FAT4: variants seen among roughly 807,000 people sequenced by gnomAD.
FAT4 encodes the protein FAT atypical cadherin 4, also known as protocadherin Fat 4.
FAT4 carries 84 observed loss-of-function variants against 303.9 expected under a neutral mutation model. The observed-to-expected ratio is 0.28, with a 90% confidence interval of 0.23 to 0.33. The LOEUF is 0.33. Among genes scored for constraint, FAT4 ranks in the 10% least tolerant of loss-of-function variants. FAT4 has a pLI of 1.00. For synonymous variants in FAT4, 2,307 were observed against 2,298.8 expected (o/e 1.00, Z -0.10); for missense variants, 6,005 against 6,146.8 (o/e 0.98, Z 0.77).
At chr4:125,442,625 C>T (rs143580056) in intron 8 of FAT4, among the ~76,000 whole-genome samples, 26 of 152,134 alleles carry the variant, frequency 1.7e-4, no homozygotes, top group South Asian at 8.3e-4. Flanking sequence ...TATCTTCTGG[C>T]TATGTATATG....
In FAT4 at chr4:125,319,623, T is replaced by C. The variant is rs200138872; in HGVS notation, c.3212T>C (p.Val1071Ala). The C allele has an allele frequency of 2.3e-4, 372 of 1,614,106 alleles. No individual in the cohort carries two copies. The highest frequency in any genetic ancestry group is 3.3e-4 in the Middle Eastern group (2 of 6,062). Residue 1071 changes from valine (V) to alanine (A), a missense_variant, in exon 2 of 18, where the codon GTT (valine) becomes GCT (alanine). Val to Ala is a moderately conservative substitution (Grantham distance 64). Coordinates refer to ENST00000394329, the MANE Select transcript of FAT4 (RefSeq NM_001291303.3). Reference protein sequence around the residue: ...ELQDRYVLMVVASDRAVEPLS... With the variant: ...ELQDRYVLMVAASDRAVEPLS... ...CAAGACAGATATGTTTTAATGGTTG[T>C]TGCTTCTGACAGAGCAGTGGAACCC... is the stretch of plus-strand genomic sequence containing the variant.
Position 125,489,441 on chromosome 4 carries a change from C to G in FAT4, c.13085-460C>G, listed in dbSNP as rs79168638. On this transcript the variant is annotated intron_variant, in intron 17 of 17. Coordinates refer to ENST00000394329, the MANE Select transcript of FAT4 (RefSeq NM_001291303.3). Reference sequence around the variant, plus strand: ...CTCCCCAAGAACCTATGTTCCACACCTTTGGTGTATTATCACCTTCAATGG... The same window carrying G: ...CTCCCCAAGAACCTATGTTCCACACGTTTGGTGTATTATCACCTTCAATGG... Among the ~76,000 whole-genome samples the G allele has an allele frequency of 4.8e-3, 738 of 152,254 alleles. 7 individuals are homozygous for G. Among genetic ancestry groups the G allele is most frequent in the African/African-American group, 0.017 (712 of 41,538 alleles).
At chr4:125,441,901 C>A (rs903509316) in intron 8 of FAT4, among the ~76,000 whole-genome samples, 1 of 152,130 alleles carries the variant, frequency 6.6e-6, no homozygotes, top group South Asian at 2.1e-4. Context: ...ATATCTTTGA[C>A]CAGGGCTTGG....
intron 12 of FAT4, among the ~76,000 whole-genome samples, chr4:125,474,806 T>C (rs923184590): frequency 6.6e-6 from 1 of 152,078 alleles, no homozygotes; most frequent in African/African-American, 2.4e-5. Context: ...TTAAGGAAAT[T>C]AATCATTTTC....
At position 125,449,226 on chromosome 4, in the gene FAT4, C is replaced by A. The variant is rs748854090; in HGVS notation, c.8216C>A (p.Ser2739Tyr). ...SVRPLDREKVSHYVLTIKSSD... is the reference protein window; with the variant it reads ...SVRPLDREKVYHYVLTIKSSD... ...AGACCTTTGGACAGGGAAAAAGTAT[C>A]TCATTATGTCCTAACCATAAAATCA... Residue 2739 changes from serine to tyrosine, a missense_variant, in exon 10 of 18, where the codon TCT becomes TAT. Ser to Tyr is a moderately radical substitution (Grantham distance 144). Transcript: ENST00000394329. 10 of 1,613,774 alleles carry A rather than the reference C, an allele frequency of 6.2e-6. No homozygotes were observed. The Admixed American group carries it at 1.3e-4, about 22-fold the overall frequency.
chr4:125,477,211 C>G lies in FAT4; in HGVS notation c.12356C>G (p.Pro4119Arg), dbSNP rs1403495139. Residue 4119 changes from proline to arginine, a missense_variant, in exon 14 of 18, where the codon CCA becomes CGA. Pro to Arg is a moderately radical substitution (Grantham distance 103, BLOSUM62 -2). Transcript: ENST00000394329. ...GTTGGAGGTATCAGATCTCTAGAAC[C>G]AATCCTTCAGAGAAGAGGACACGTG... ...VTVGGIRSLE[P>R]ILQRRGHVES... is the part of the protein sequence containing the mutation. 2 of 1,517,964 alleles carry G rather than the reference C, an allele frequency of 1.3e-6. No homozygotes were observed. The highest frequency in any genetic ancestry group is 1.4e-5 in the African/African-American group (1 of 70,278). The allele number at this position is 1,517,964 out of a possible 1,614,324, so 94.0% of individuals were successfully genotyped here. A position where few individuals can be genotyped will look rare whatever the true frequency, so the allele number is the denominator to read the frequency against.
intron 7 of FAT4, among the ~76,000 whole-genome samples, chr4:125,425,654 A>G (rs933207393): frequency 5.9e-5 from 9 of 152,172 alleles, no homozygotes; most frequent in African/African-American, 1.9e-4. Flanking sequence ...CGTACAATAC[A>G]TATGATATGC....
chr4:125,444,050 T>A (rs1560611283), intron 8 of FAT4, among the ~76,000 whole-genome samples: 1 of 152,188 alleles, frequency 6.6e-6, no homozygotes, highest in African/African-American at 2.4e-5. Context: ...TCATTCATTT[T>A]AAAAAATACT....
intron 17 of FAT4, among the ~76,000 whole-genome samples, chr4:125,489,191 G>T (rs1035645162): frequency 6.6e-6 from 1 of 152,202 alleles, no homozygotes; most frequent in Non-Finnish European, 1.5e-5. Flanking sequence ...TGTCAAAATA[G>T]ATTGTTGGGC....
intron 6 of FAT4, among the ~76,000 whole-genome samples, chr4:125,416,049 TTGCA>T (rs1735044131): frequency 6.6e-6 from 1 of 152,226 alleles, no homozygotes; most frequent in South Asian, 2.1e-4. Flanking sequence ...TATACTCATG[TTGCA>T]CACATTTATG....
At position 125,451,746 on chromosome 4, in the gene FAT4, T is replaced by C; in HGVS notation, c.10736T>C (p.Ile3579Thr). Residue 3579 changes from isoleucine to threonine, a missense_variant, in exon 10 of 18, where the codon ATT (isoleucine) becomes ACT (threonine). Coordinates refer to ENST00000394329, the MANE Select transcript of FAT4 (RefSeq NM_001291303.3). ...ACCAGAGAGATTGACAGAGAGCAGA[T>C]TGCAGACTTCTATCTGTCTGTGGTT... The part of the protein sequence containing the change: ...STTREIDREQ[I>T]ADFYLSVVTK... 1 of 1,614,200 alleles carries C rather than the reference T, an allele frequency of 6.2e-7. No individual in the cohort carries two copies.
intron 2 of FAT4, among the ~76,000 whole-genome samples, chr4:125,369,774 A>T (rs1032660995): frequency 1.3e-5 from 2 of 151,976 alleles, no homozygotes; most frequent in African/African-American, 4.8e-5. Flanking sequence ...CTAACTTTCC[A>T]TTTCCTCCAA....
rs768534192 is a variant in FAT4 at position 125,476,243 on chromosome 4, G to A, written c.12286G>A (p.Val4096Ile). 3.2e-6 allele frequency: 5 copies of A among 1,585,070 alleles called. No homozygotes were observed. In the Admixed American group the frequency reaches 8.4e-5, roughly 27 times the overall value. Reference sequence around the variant, plus strand: ...ATATTGTACTGTCAGTAATGTGGCAGTTTCAGATGACTGGTAAGGAATAGG... The same window carrying A: ...ATATTGTACTGTCAGTAATGTGGCAATTTCAGATGACTGGTAAGGAATAGG... ...PGYCTVSNVA[V>I]SDDWTLDVQP... Residue 4096 changes from valine to isoleucine, a missense_variant, in exon 13 of 18, where the codon GTT becomes ATT. Physicochemically the swap from Val to Ile is conservative, Grantham distance 29. Transcript: ENST00000394329.
Position 125,318,059 on chromosome 4 carries a change from C to T in FAT4, c.1648C>T (p.Leu550=), listed in dbSNP as rs1730718086. 1 of 1,614,152 alleles carries T rather than the reference C, an allele frequency of 6.2e-7. No individual in the cohort carries two copies. Among genetic ancestry groups the T allele is most frequent in the Non-Finnish European group, 8.5e-7 (1 of 1,180,024 alleles). ...CCGTGAACTTGCTTCCCAGATTGTT[C>T]TGAATATAAGTGCCCGGGACCAGGG... is the stretch of plus-strand genomic sequence containing the variant. The part of the protein sequence containing the change: ...LDRELASQIV[L]NISARDQGVH... The change falls in exon 2 of 18, where the codon CTG becomes TTG. Residue 550 remains leucine (L), a synonymous_variant. Coordinates refer to ENST00000394329, the MANE Select transcript of FAT4 (RefSeq NM_001291303.3).
intron 2 of FAT4, among the ~76,000 whole-genome samples, chr4:125,326,194 C>G (rs1731150728): frequency 6.6e-6 from 1 of 151,902 alleles, no homozygotes. Context: ...AATTTATTTT[C>G]ACAAGAAACT....
At chr4:125,433,687 T>A (rs548395376) in intron 7 of FAT4, among the ~76,000 whole-genome samples, 1 of 152,348 alleles carries the variant, frequency 6.6e-6, no homozygotes, top group East Asian at 1.9e-4. Context: ...TATGAAGTTA[T>A]TCTAGCACGT....
In FAT4 at chr4:125,490,215, G is replaced by A. The variant is rs1215405311; in HGVS notation, c.13399G>A (p.Val4467Met). Residue 4467 changes from valine (V) to methionine (M), a missense_variant, in exon 18 of 18, where the codon GTG becomes ATG. Coordinates refer to ENST00000394329, the MANE Select transcript of FAT4 (RefSeq NM_001291303.3). ...DSHTGRTCEMVVACLGVLCPQ... is the reference protein window; with the variant it reads ...DSHTGRTCEMMVACLGVLCPQ... ...GCACACGGGAAGGACCTGTGAGATG[G>A]TGGTGGCCTGTCTTGGCGTCCTCTG... is the stretch of plus-strand genomic sequence containing the variant. The A allele has an allele frequency of 1.2e-6, 2 of 1,614,196 alleles. No individual in the cohort carries two copies. The highest frequency in any genetic ancestry group is 1.7e-6 in the Non-Finnish European group (2 of 1,180,042).
At chr4:125,355,182 A>G (rs1533037) in intron 2 of FAT4, among the ~76,000 whole-genome samples, 9,146 of 152,014 alleles carry the variant, frequency 0.06, 412 homozygotes, top group East Asian at 0.19. Flanking sequence ...AGGAATTTTA[A>G]AATATATATT....
intron 10 of FAT4, among the ~76,000 whole-genome samples, chr4:125,457,587 C>T (rs1726327802): frequency 6.6e-6 from 1 of 151,788 alleles, no homozygotes; most frequent in Admixed American, 6.6e-5. Context: ...GTTATAATCA[C>T]TTCATATGTT....
Sources: allele counts gnomAD v4.1 joint callset (sites outside exome capture counted in the v4.1 genomes callset), GRCh38; gene constraint gnomAD v4.1.1; transcripts MANE v1.5; gene names NCBI Gene and HGNC (gene_info 2026-07-23, HGNC 2026-07-21).